NUP188: variants seen among roughly 807,000 people sequenced by gnomAD.
NUP188 encodes the protein nucleoporin NUP188.
NUP188 carries 97 observed loss-of-function variants against 223.0 expected under a neutral mutation model. That is an observed-to-expected ratio of 0.43 (90% CI 0.37 to 0.51). The LOEUF (loss-of-function observed/expected upper bound fraction) is 0.51. NUP188 is among the 20% of genes least tolerant of loss of function. NUP188 has a pLI of 0.00. For synonymous variants in NUP188, 869 were observed against 828.0 expected (o/e 1.05, Z -0.85); for missense variants, 1,947 against 2,175.6 (o/e 0.89, Z 2.09).
chr9:128,950,812 C>T (rs555680351), intron 2 of NUP188, among the ~76,000 whole-genome samples: 4 of 152,200 alleles, frequency 2.6e-5, no homozygotes, highest in African/African-American at 4.8e-5. Context: ...GGAGACACAT[C>T]GAGACCCCAG....
intron 29 of NUP188, 92 bp downstream of exon 29, chr9:128,995,015 G>A (rs988999995): frequency 8.5e-6 from 8 of 940,458 alleles, no homozygotes; most frequent in Non-Finnish European, 1.4e-5. Context: ...AAGAGCCAAG[G>A]CAGAGGAGAG....
intron 12 of NUP188, among the ~76,000 whole-genome samples, chr9:128,978,271 T>C (rs1015765819): frequency 2.6e-5 from 4 of 151,628 alleles, no homozygotes; most frequent in African/African-American, 7.3e-5. Flanking sequence ...CATACTTATA[T>C]ACAAAAACGG....
Position 128,994,415 on chromosome 9 carries a change from C to T in NUP188, c.3060C>T (p.Thr1020=). 2 of 1,613,480 alleles carry T rather than the reference C, an allele frequency of 1.2e-6. No homozygotes were observed. Among genetic ancestry groups the T allele is most frequent in the Non-Finnish European group, 1.7e-6 (2 of 1,179,514 alleles). ...WENLTSPLFG[T]LSPPSETSEP... ...ATTTAACCAGTCCGCTGTTTGGAACCCTTTCTCCTCCCTCTGAAACATCAG... is the reference window on the plus strand; with the variant it reads ...ATTTAACCAGTCCGCTGTTTGGAACTCTTTCTCCTCCCTCTGAAACATCAG... The change falls in exon 28 of 44, where the codon ACC becomes ACT. Residue 1020 remains threonine, a synonymous_variant. Coordinates refer to ENST00000372577, the MANE Select transcript of NUP188 (RefSeq NM_015354.3).
intron 2 of NUP188, among the ~76,000 whole-genome samples, chr9:128,951,520 T>A (rs1185215699): frequency 6.6e-6 from 1 of 152,042 alleles, no homozygotes. Context: ...TCATTTATAT[T>A]ATTAAATAAT....
Position 128,980,123 on chromosome 9 carries a change from A to G in NUP188, c.1270-483A>G, listed in dbSNP as rs536199741. On this transcript the variant is annotated intron_variant, in intron 13 of 43. Coordinates refer to ENST00000372577, the MANE Select transcript of NUP188 (RefSeq NM_015354.3). ...CCAGTACTTGCTCTGAGCATTGACA[A>G]CAGTCTCAAACCTCAAGATCCAACT... 4.8e-4 allele frequency among the ~76,000 whole-genome samples: 73 copies of G among 152,328 alleles called. 1 individual carries two copies. The highest frequency in any genetic ancestry group is 1.6e-3 in the African/African-American group (66 of 41,586).
Position 128,994,378 on chromosome 9 carries a change from A to G in NUP188, c.3023A>G (p.Lys1008Arg). ...AACATTTATTTCCTTTTTAGACCCA[A>G]GTTTTGGGAAAATTTAACCAGTCCG... ...SAMLVLRTKP[K>R]FWENLTSPLF... is the part of the protein sequence containing the mutation. The change falls in exon 28 of 44, where the codon AAG (lysine) becomes AGG (arginine). Residue 1008 changes from lysine (K) to arginine (R), a missense_variant. Coordinates refer to ENST00000372577, the MANE Select transcript of NUP188 (RefSeq NM_015354.3). 6.2e-7 allele frequency: 1 copy of G among 1,611,056 alleles called. No individual in the cohort carries two copies. The highest frequency in any genetic ancestry group is 8.5e-7 in the Non-Finnish European group (1 of 1,177,278).
chr9:129,006,824 C>CTA lies in NUP188; in HGVS notation c.*146_*147insTA. ...GGAGTAGCCACGACTCCAGCCACCACCCACTGACGTTATTTTTATACTAGA... is the reference window on the plus strand; with the variant it reads ...GGAGTAGCCACGACTCCAGCCACCACTACCACTGACGTTATTTTTATACTAGA... On this transcript the variant is annotated 3_prime_UTR_variant, in exon 44 of 44. Coordinates refer to ENST00000372577, the MANE Select transcript of NUP188 (RefSeq NM_015354.3). 1.3e-6 allele frequency: 1 copy of CTA among 743,742 alleles called. No individual in the cohort carries two copies. 46.1% of individuals were successfully genotyped at this position (743,742 alleles called of 1,614,324 possible).
chr9:128,950,988 G>C (rs143741360), intron 2 of NUP188, among the ~76,000 whole-genome samples: 278 of 152,050 alleles, frequency 1.8e-3, no homozygotes, highest in African/African-American at 6.5e-3. Flanking sequence ...GAGAGTAGGG[G>C]TGCAAATACC....
chr9:128,982,526 A>T, intron 15 of NUP188, 23 bp from the exon 16 acceptor site: 1 of 1,592,878 alleles, frequency 6.3e-7, no homozygotes, highest in Non-Finnish European at 8.6e-7. Flanking sequence ...CAGATATTAG[A>T]CTAATTTATC....
intron 8 of NUP188, among the ~76,000 whole-genome samples, chr9:128,965,643 G>A (rs1165391636): frequency 1.3e-5 from 2 of 151,986 alleles, no homozygotes; most frequent in Non-Finnish European, 2.9e-5. Flanking sequence ...AGTAGAGACA[G>A]GGTTTCACCA....
Position 128,970,916 on chromosome 9 carries a change from C to T in NUP188, c.1071C>T (p.Tyr357=). 1 of 1,614,054 alleles carries T rather than the reference C, an allele frequency of 6.2e-7. No homozygotes were observed. Among genetic ancestry groups the T allele is most frequent in the Non-Finnish European group, 8.5e-7 (1 of 1,180,002 alleles). Residue 357 remains tyrosine, a synonymous_variant, in exon 11 of 44, where the codon TAC becomes TAT. Coordinates refer to ENST00000372577, the MANE Select transcript of NUP188 (RefSeq NM_015354.3). ...GTAIQLNVFQ[Y]LTRLLQSLAS... is the part of the protein sequence containing the mutation. ...CCATCCAGCTGAATGTGTTTCAGTA[C>T]TTGACCCGATTGCTCCAGTCCCTTG...
intron 15 of NUP188, 136 bp from the exon 16 acceptor site, chr9:128,982,413 G>T: frequency 2.6e-6 from 2 of 760,324 alleles, no homozygotes; most frequent in East Asian, 2.7e-5. Flanking sequence ...CTGGGCAAGA[G>T]GGAGACTCTG....
At position 128,993,265 on chromosome 9, in the gene NUP188, C is replaced by G; in HGVS notation, c.2709C>G (p.Thr903=). 6.2e-7 allele frequency: 1 copy of G among 1,614,124 alleles called. No homozygotes were observed. Among genetic ancestry groups the G allele is most frequent in the Non-Finnish European group, 8.5e-7 (1 of 1,179,998 alleles). ...CTGCCATTCGTGATGCCTTCCTGAC[C>G]CGATTGCAGAGCAAAATTGAGGACA... ...DAAAIRDAFL[T]RLQSKIEDMR... Residue 903 remains threonine (T), a synonymous_variant, in exon 26 of 44, where the codon ACC becomes ACG. Transcript: ENST00000372577.
chr9:128,947,803 C>T, intron 1 of NUP188, 52 bp downstream of exon 1: 1 of 1,342,052 alleles, frequency 7.5e-7, no homozygotes, highest in Non-Finnish European at 9.6e-7. Context: ...GGTGTCAAAG[C>T]CGAGCGGAAG....
intron 3 of NUP188, 142 bp from the exon 4 acceptor site, chr9:128,956,208 T>TGTGTGC (rs1841868235): frequency 4.2e-6 from 2 of 470,654 alleles, no homozygotes; most frequent in Non-Finnish European, 7.5e-6. Flanking sequence ...TGTGTGTGTG[T>TGTGTGC]GTGCGTGTGT....
chr9:128,998,354 G>C, intron 31 of NUP188, 126 bp downstream of exon 31: 3 of 1,046,456 alleles, frequency 2.9e-6, no homozygotes, highest in Non-Finnish European at 4.5e-6. Context: ...GTTGGCCTGG[G>C]AGGCCTGAGA....
At chr9:128,983,155 T>G (rs1313024871) in intron 17 of NUP188, 127 bp downstream of exon 17, 8 of 1,441,446 alleles carry the variant, frequency 5.5e-6, no homozygotes, top group Non-Finnish European at 6.7e-6. Context: ...TTTTCCTGTT[T>G]TTATATCTGT....
intron 24 of NUP188, among the ~76,000 whole-genome samples, chr9:128,988,543 C>T (rs1842370055): frequency 6.6e-6 from 1 of 151,834 alleles, no homozygotes; most frequent in African/African-American, 2.4e-5. Context: ...GTTGAGTATC[C>T]CTTATCTGAA....
At chr9:128,978,556 CA>C (rs57813508) in intron 12 of NUP188, among the ~76,000 whole-genome samples, 269 of 67,630 alleles carry the variant, frequency 4.0e-3, no homozygotes, top group Middle Eastern at 0.016. Flanking sequence ...GAGTGAGACT[CA>C]AAAAAAAAAA....
Sources: gnomAD v4.1 joint callset for allele counts (sites outside exome capture counted in the v4.1 genomes callset) on GRCh38, gnomAD v4.1.1 for gene constraint, MANE v1.5 for transcripts, NCBI Gene and HGNC (gene_info 2026-07-23, HGNC 2026-07-21) for gene names.